The following GIT1 variants were observed in gnomAD, a reference collection of about 807,000 sequenced individuals.
GIT1 encodes the protein GIT ArfGAP 1.
Under a neutral mutation model 91.7 loss-of-function variants are expected in GIT1, and 14 were observed. The ratio of observed to expected loss-of-function variants is 0.15; its 90% CI spans 0.10 to 0.24. The LOEUF (loss-of-function observed/expected upper bound fraction) is 0.24. GIT1 is among the 10% of genes least tolerant of loss of function. GIT1 has a pLI of 1.00. For missense variants in GIT1, 717 were observed against 1,024.9 expected (o/e 0.70, Z 4.10); for synonymous variants, 414 against 418.2 (o/e 0.99, Z 0.12).
intron 1 of GIT1, among the ~76,000 whole-genome samples, chr17:29,588,384 G>A (rs2033671020): frequency 6.6e-6 from 1 of 152,202 alleles, no homozygotes; most frequent in African/African-American, 2.4e-5. Context: ...GCAGCCTCTT[G>A]GATCATTACC....
intron 9 of GIT1, 23 bp from the exon 10 acceptor site, chr17:29,577,765 G>C (rs751371178): frequency 1.4e-6 from 2 of 1,469,652 alleles, no homozygotes; most frequent in Admixed American, 1.7e-5. Flanking sequence ...GACAGGAGCA[G>C]ATCAGCCACG....
At chr17:29,588,184 C>T (rs1055481063) in intron 1 of GIT1, among the ~76,000 whole-genome samples, 2 of 152,208 alleles carry the variant, frequency 1.3e-5, no homozygotes, top group African/African-American at 4.8e-5. Flanking sequence ...GGCCCACAAA[C>T]CAGCACCCCA....
intron 2 of GIT1, 124 bp downstream of exon 2, chr17:29,583,359 G>T: frequency 1.0e-6 from 1 of 979,630 alleles, no homozygotes; most frequent in South Asian, 1.5e-5. Context: ...CTGCCCTAGG[G>T]GGGTGCTGCC....
Position 29,581,665 on chromosome 17 carries a change from G to A in GIT1, c.718+77C>T. 1 of 1,111,662 alleles carries A rather than the reference G, an allele frequency of 9.0e-7. No homozygotes were observed. The highest frequency in any genetic ancestry group is 1.3e-6 in the Non-Finnish European group (1 of 742,094). 68.9% of individuals were successfully genotyped at this position (1,111,662 alleles called of 1,614,324 possible). On this transcript the variant is annotated intron_variant, in intron 6 of 19. Coordinates refer to ENST00000225394, the MANE Select transcript of GIT1 (RefSeq NM_014030.4). The surrounding 1 kb of genome is among the most constrained non-coding windows in gnomAD (Gnocchi z 4.8). ...CCGCTCTGTCACCATGGCACCTGCT[G>A]CCGGGTGCGTCCAGGTCCCACCTGC...
chr17:29,581,991 C>T lies in GIT1; in HGVS notation c.559G>A (p.Val187Ile), dbSNP rs760217771. The change falls in exon 5 of 20, where the codon GTA becomes ATA. Residue 187 changes from valine (V) to isoleucine (I), a missense_variant. Physicochemically the swap from Val to Ile is conservative, Grantham distance 29. This residue lies in a region of GIT1 where 271 missense variants were observed against 451.6 expected (regional missense o/e 0.60). Transcript: ENST00000225394. This position sits in a 1 kb window ranked among gnomAD's most constrained non-coding sequence, Gnocchi z 4.8. ...AGQTLQAELL[V>I]VYGADPGSPD... ...GAGCCAGGGTCAGCCCCATACACTA[C>T]AAGCAGCTCGGCCTGCAGTGTCTGT... 9.3e-6 allele frequency: 15 copies of T among 1,612,888 alleles called. No individual in the cohort carries two copies. Among genetic ancestry groups the T allele is most frequent in the African/African-American group, 1.3e-5 (1 of 75,050 alleles).
rs576395143 is a variant in GIT1, at chr17:29,587,181, C to T, written c.52+2146G>A. 9.9e-5 allele frequency among the ~76,000 whole-genome samples: 15 copies of T among 152,238 alleles called. No homozygotes were observed. The South Asian group carries it at 2.9e-3, about 29-fold the overall frequency. Reference sequence around the variant, plus strand: ...GATCTGGACTCCGGACTGCTGGGTACCCTCATGCCTCTCTGCCTGAGATGC... The same window carrying T: ...GATCTGGACTCCGGACTGCTGGGTATCCTCATGCCTCTCTGCCTGAGATGC... On this transcript the variant is annotated intron_variant, in intron 1 of 19. Coordinates refer to ENST00000225394, the MANE Select transcript of GIT1 (RefSeq NM_014030.4).
intron 4 of GIT1, 141 bp from the exon 5 acceptor site, chr17:29,582,285 G>C: frequency 1.6e-6 from 1 of 640,296 alleles, no homozygotes; most frequent in South Asian, 1.8e-5. Flanking sequence ...GGAGGACAGA[G>C]GCTTCCCGCT....
chr17:29,576,017 C>T (rs2033181691), intron 15 of GIT1, 61 bp downstream of exon 15: 8 of 1,580,844 alleles, frequency 5.1e-6, no homozygotes, highest in Non-Finnish European at 7.0e-6. Flanking sequence ...AGCACAGAGC[C>T]CAGAACCCCC....
In GIT1 at chr17:29,575,856, A is replaced by G; in HGVS notation, c.1708T>C (p.Ser570Pro). 1 of 1,611,952 alleles carries G rather than the reference A, an allele frequency of 6.2e-7. No individual in the cohort carries two copies. Among genetic ancestry groups the G allele is most frequent in the South Asian group, 1.1e-5 (1 of 90,748 alleles). Reference sequence around the variant, plus strand: ...TGGGAGCAGGACAGCAGCGGGGAGGAGGGAGTGAAGGGCACAGCTGAGGCA... The same window carrying G: ...TGGGAGCAGGACAGCAGCGGGGAGGGGGGAGTGAAGGGCACAGCTGAGGCA... ...VSASAVPFTPSSPLLSCSQEG... is the reference protein window; with the variant it reads ...VSASAVPFTPPSPLLSCSQEG... Residue 570 changes from serine to proline, a missense_variant, in exon 16 of 20, where the codon TCC (serine) becomes CCC (proline). This residue lies in a region of GIT1 where 312 missense variants were observed against 349.5 expected (regional missense o/e 0.89). Coordinates refer to ENST00000225394, the MANE Select transcript of GIT1 (RefSeq NM_014030.4). The surrounding 1 kb of genome is among the most constrained non-coding windows in gnomAD (Gnocchi z 5.5).
At chr17:29,583,323 T>C (rs1467610511) in intron 2 of GIT1, among the ~76,000 whole-genome samples, 160 bp downstream of exon 2, 6 of 151,874 alleles carry the variant, frequency 4.0e-5, no homozygotes, top group Admixed American at 3.9e-4. Flanking sequence ...AGTGAGTAGA[T>C]GGGAGGAAAG....
chr17:29,578,881 T>C (rs2033305087), intron 7 of GIT1, 102 bp from the exon 8 acceptor site: 2 of 1,561,380 alleles, frequency 1.3e-6, no homozygotes, highest in East Asian at 2.2e-5. Flanking sequence ...CCCGGGGAGA[T>C]GGCACCCCAG....
In GIT1 at chr17:29,589,382, C is replaced by A; in HGVS notation, c.-4G>T. 9.4e-7 allele frequency: 1 copy of A among 1,059,924 alleles called. No individual in the cohort carries two copies. The highest frequency in any genetic ancestry group is 1.1e-6 in the Non-Finnish European group (1 of 870,116). 65.7% of individuals were successfully genotyped at this position (1,059,924 alleles called of 1,614,324 possible). On this transcript the variant is annotated 5_prime_UTR_variant, in exon 1 of 20. Coordinates refer to ENST00000225394, the MANE Select transcript of GIT1 (RefSeq NM_014030.4). This position sits in a 1 kb window ranked among gnomAD's most constrained non-coding sequence, Gnocchi z 5.2. ...CTCGCGGCCCCTTTCGGGACATCCT[C>A]AGCGGCGACGCGGCCGCAGCCCTCT...
chr17:29,580,339 G>T (rs1402594327), intron 7 of GIT1, among the ~76,000 whole-genome samples: 1 of 152,220 alleles, frequency 6.6e-6, no homozygotes, highest in African/African-American at 2.4e-5. Flanking sequence ...TTGGGGTCTG[G>T]AAGAGGTCTG....
Position 29,581,383 on chromosome 17 carries a change from GAACA to G in GIT1, c.719-7_719-4del. ...GATGTAATGCCCATTCTTGTGATCT[GAACA>G]AAAATAAAAATGCCAAGTCACTCAC... On this transcript the variant is annotated splice_polypyrimidine_tract_variant and splice_region_variant and intron_variant, in intron 6 of 19. Transcript: ENST00000225394. This position sits in a 1 kb window ranked among gnomAD's most constrained non-coding sequence, Gnocchi z 4.8. The G allele has an allele frequency of 6.2e-7, 1 of 1,611,460 alleles. No individual in the cohort carries two copies. Among genetic ancestry groups the G allele is most frequent in the Non-Finnish European group, 8.5e-7 (1 of 1,177,944 alleles).
Position 29,589,229 on chromosome 17 carries a change from C to A in GIT1, c.52+98G>T. On this transcript the variant is annotated intron_variant, in intron 1 of 19. Transcript: ENST00000225394. This position sits in a 1 kb window ranked among gnomAD's most constrained non-coding sequence, Gnocchi z 5.2. ...TGGAGGCCGCAGCCCCCCGCCCCGC[C>A]CAGCCCTCCGGCCCCGCACAGCGCT... 2.9e-6 allele frequency: 1 copy of A among 344,072 alleles called. No individual in the cohort carries two copies. The highest frequency in any genetic ancestry group is 4.1e-6 in the Non-Finnish European group (1 of 242,296). The allele number at this position is 344,072 out of a possible 1,614,324, so 21.3% of individuals were successfully genotyped here.
chr17:29,576,329 CGGTGTGTGCTCCCGCCTGGCGCCATG>C lies in GIT1; in HGVS notation c.1476_1501del (p.Met493GlnfsTer10). ...CATGGAAAAGGCCTGGCGATCCCTG[CGGTGTGTGCTCCCGCCTGGCGCCATG>C]GGTGTGTGTTCCGCCCGTTCACTGG... On this transcript the variant is annotated frameshift_variant, in exon 14 of 20. Transcript: ENST00000225394. LOFTEE classifies it high-confidence loss of function. 6.2e-7 allele frequency: 1 copy of C among 1,613,176 alleles called. No individual in the cohort carries two copies. The highest frequency in any genetic ancestry group is 8.5e-7 in the Non-Finnish European group (1 of 1,179,930).
chr17:29,583,623 G>T lies in GIT1; in HGVS notation c.53-7C>A. On this transcript the variant is annotated splice_polypyrimidine_tract_variant and splice_region_variant and intron_variant, in intron 1 of 19. Transcript: ENST00000225394. Reference sequence around the variant, plus strand: ...ATGGATGCCCAGCCAGGGTCTGCCAGGGTGAGGGCAAGGGTCAGCCGGAGC... The same window carrying T: ...ATGGATGCCCAGCCAGGGTCTGCCATGGTGAGGGCAAGGGTCAGCCGGAGC... 6.3e-7 allele frequency: 1 copy of T among 1,579,454 alleles called. No homozygotes were observed. The highest frequency in any genetic ancestry group is 2.3e-5 in the East Asian group (1 of 43,214).
At position 29,589,563 on chromosome 17, in the gene GIT1, C is replaced by A. The variant is rs1478791059; in HGVS notation, c.-185G>T. The A allele has an allele frequency of 2.7e-5, 4 of 148,134 alleles. No homozygotes were observed. The highest frequency in any genetic ancestry group is 1.8e-4 in the South Asian group (1 of 5,504). The allele number at this position is 148,134 out of a possible 1,614,324, so 9.2% of individuals were successfully genotyped here. ...AACCCGCCGTGCCCGCCTGCCCGCTCGCCCTCGGGCGCCCTCCGCCCCGCG... is the reference window on the plus strand; with the variant it reads ...AACCCGCCGTGCCCGCCTGCCCGCTAGCCCTCGGGCGCCCTCCGCCCCGCG... On this transcript the variant is annotated 5_prime_UTR_variant, in exon 1 of 20. Transcript: ENST00000225394. This position sits in a 1 kb window ranked among gnomAD's most constrained non-coding sequence, Gnocchi z 5.2.
intron 7 of GIT1, among the ~76,000 whole-genome samples, chr17:29,580,366 C>T (rs1397752742): frequency 3.9e-5 from 6 of 152,336 alleles, no homozygotes; most frequent in South Asian, 4.1e-4. Flanking sequence ...GGATCTGAGT[C>T]GCCCAGGCCT....
Sources: gnomAD v4.1 joint callset for allele counts (sites outside exome capture counted in the v4.1 genomes callset) on GRCh38, gnomAD v4.1.1 for gene constraint, gnomAD v4.1.1 regional missense constraint, Gnocchi (gnomAD v3.1) non-coding constraint, MANE v1.5 for transcripts, NCBI Gene and HGNC (gene_info 2026-07-23, HGNC 2026-07-21) for gene names.